Variants in MYOM2 observed in about 807,000 individuals in gnomAD.
MYOM2 encodes the protein myomesin-2.
In MYOM2, 254 loss-of-function variants were observed where a neutral mutation model predicts 187.6. The ratio of observed to expected loss-of-function variants is 1.35; its 90% confidence interval spans 1.22 to 1.50. The LOEUF (loss-of-function observed/expected upper bound fraction) is 1.50, where lower values mean the gene tolerates loss of function less well. Among genes scored for constraint, MYOM2 ranks in the 40% most tolerant of loss-of-function variants. The pLI is 0.00. For synonymous variants in MYOM2, 981 were observed against 753.8 expected, an observed-to-expected ratio of 1.30 and a Z score of -4.94; for missense variants, 2,796 against 1,924.0, an observed-to-expected ratio of 1.45 and a Z score of -8.48.
In MYOM2 at chr8:2,078,701, A is replaced by C. The variant is rs183771731; in HGVS notation, c.1263-33A>C. Reference sequence around the variant, plus strand: ...TATTTAGTAGGTTGCCACATTTGCTATTCTCTGTTGTTTTTCTTTTTTTAA... The same window carrying C: ...TATTTAGTAGGTTGCCACATTTGCTCTTCTCTGTTGTTTTTCTTTTTTTAA... On this transcript the variant is annotated intron_variant, in intron 11 of 36. Coordinates refer to ENST00000262113, the MANE Select transcript of MYOM2 (RefSeq NM_003970.4). 3.4e-4 allele frequency: 545 copies of C among 1,606,938 alleles called. 8 individuals are homozygous for C. In the East Asian group the frequency reaches 0.012, roughly 35 times the overall value.
chr8:2,091,569 C>G (rs1365187601), intron 15 of MYOM2, among the ~76,000 whole-genome samples: 1 of 152,212 alleles, frequency 6.6e-6, no homozygotes, highest in African/African-American at 2.4e-5. Flanking sequence ...TCCACCCTCT[C>G]TCTGTCGTGT....
At chr8:2,087,228 A>G (rs1455972674) in intron 14 of MYOM2, among the ~76,000 whole-genome samples, 1 of 152,236 alleles carries the variant, frequency 6.6e-6, no homozygotes, top group Non-Finnish European at 1.5e-5. Context: ...AATATGTAAT[A>G]CAATATGTAG....
In MYOM2 at chr8:2,069,298, C is replaced by A. The variant is rs376408103; in HGVS notation, c.674C>A (p.Ala225Glu). The A allele has an allele frequency of 1.2e-6, 2 of 1,612,938 alleles. No homozygotes were observed. Among genetic ancestry groups the A allele is most frequent in the Non-Finnish European group, 1.7e-6 (2 of 1,179,548 alleles). Reference protein sequence around the residue: ...EINRADFDDTATYSAVATNAH... With the variant: ...EINRADFDDTETYSAVATNAH... Reference sequence around the variant, plus strand: ...CCAAGGGCAGACTTTGACGACACTGCGACATACTCAGCAGTGGCCACCAAT... The same window carrying A: ...CCAAGGGCAGACTTTGACGACACTGAGACATACTCAGCAGTGGCCACCAAT... Residue 225 changes from alanine (A) to glutamate (E), a missense_variant, in exon 7 of 37, where the codon GCG becomes GAG. Ala to Glu is a moderately radical substitution (Grantham distance 107, BLOSUM62 -1). Transcript: ENST00000262113.
chr8:2,057,717 G>C lies in MYOM2; in HGVS notation c.497G>C (p.Trp166Ser). Residue 166 changes from tryptophan to serine, a missense_variant, in exon 5 of 37, where the codon TGG (tryptophan) becomes TCG (serine). Physicochemically the swap from Trp to Ser is radical, Grantham distance 177. Transcript: ENST00000262113. Reference protein sequence around the residue: ...ILVRLRSHTVWERMSVKLCFT... With the variant: ...ILVRLRSHTVSERMSVKLCFT... ...GTGCGGCTGCGATCCCACACCGTCT[G>C]GGAGAGGATGTCTGTGAAACTCTGC... 1 of 1,614,148 alleles carries C rather than the reference G, an allele frequency of 6.2e-7. No homozygotes were observed. The highest frequency in any genetic ancestry group is 8.5e-7 in the Non-Finnish European group (1 of 1,180,022).
At chr8:2,116,404 T>A (rs895929730) in intron 27 of MYOM2, 129 bp downstream of exon 27, 1 of 875,990 alleles carries the variant, frequency 1.1e-6, no homozygotes, top group Non-Finnish European at 1.7e-6. Flanking sequence ...ATTAAGAGGT[T>A]AGGCTTACCA....
At position 2,090,031 on chromosome 8, in the gene MYOM2, G is replaced by T; in HGVS notation, c.1668G>T (p.Trp556Cys). 4.3e-6 allele frequency: 7 copies of T among 1,613,908 alleles called. No individual in the cohort carries two copies. The highest frequency in any genetic ancestry group is 5.9e-6 in the Non-Finnish European group (7 of 1,179,932). Residue 556 changes from tryptophan to cysteine, a missense_variant, in exon 15 of 37, where the codon TGG (tryptophan) becomes TGT (cysteine). Physicochemically the swap from Trp to Cys is radical, Grantham distance 215. Coordinates refer to ENST00000262113, the MANE Select transcript of MYOM2 (RefSeq NM_003970.4). ...AGTCCGTGGTGGGGAGCGGCAGCTG[G>T]CAGAGAGTCAACGCCCAGACGGCTG... ...IEKSVVGSGS[W>C]QRVNAQTAVR...
chr8:2,102,233 T>C (rs1796733843), intron 20 of MYOM2: 1 of 155,456 alleles, frequency 6.4e-6, no homozygotes, highest in African/African-American at 2.4e-5. Flanking sequence ...TAGATGTTTA[T>C]CCAAGCAGGT....
rs1796991046 is a variant in MYOM2 at position 2,109,322 on chromosome 8, C to T, written c.3044-73C>T. On this transcript the variant is annotated intron_variant, in intron 24 of 36. Coordinates refer to ENST00000262113, the MANE Select transcript of MYOM2 (RefSeq NM_003970.4). ...ATCTAATAACTAGGATTGATATTTC[C>T]CTACAATTTGCAGGTATTCTTCCTC... The T allele has an allele frequency of 2.8e-6, 4 of 1,448,678 alleles. No homozygotes were observed. In the Admixed American group the frequency reaches 6.8e-5, roughly 25 times the overall value. 89.7% of individuals were successfully genotyped at this position (1,448,678 alleles called of 1,614,324 possible).
chr8:2,143,185 C>A (rs1468033445), intron 35 of MYOM2, among the ~76,000 whole-genome samples: 2 of 152,170 alleles, frequency 1.3e-5, no homozygotes, highest in East Asian at 3.9e-4. Flanking sequence ...CTCCCCCAAC[C>A]CCTTCACAGA....
intron 11 of MYOM2, 159 bp downstream of exon 11, chr8:2,076,441 A>G (rs1819424910): frequency 1.8e-5 from 17 of 920,750 alleles, no homozygotes; most frequent in South Asian, 1.2e-4. Flanking sequence ...TATTTAGGTA[A>G]TTGGTAAATA....
Position 2,054,472 on chromosome 8 carries a change from C to A in MYOM2, c.263+2159C>A, listed in dbSNP as rs1041222462. On this transcript the variant is annotated intron_variant, in intron 3 of 36. Transcript: ENST00000262113. ...TTTACAATCAGTGCATGACAAATGA[C>A]GTTACTGTGCACACGTGGGCTGAAG... is the stretch of plus-strand genomic sequence containing the variant. Among the ~76,000 whole-genome samples the A allele has an allele frequency of 3.3e-5, 5 of 152,284 alleles. No homozygotes were observed. In the East Asian group the frequency reaches 9.6e-4, roughly 29 times the overall value.
At chr8:2,093,949 C>A (rs748733308) in intron 16 of MYOM2, 21 bp from the exon 17 acceptor site, 4 of 1,612,890 alleles carry the variant, frequency 2.5e-6, no homozygotes, top group Non-Finnish European at 3.4e-6. Flanking sequence ...CAGTTCTGAC[C>A]CTGATCCCTG....
At chr8:2,124,361 G>C (rs1259830387) in intron 31 of MYOM2, 144 bp downstream of exon 31, 5 of 747,030 alleles carry the variant, frequency 6.7e-6, no homozygotes, top group Admixed American at 6.1e-5. Flanking sequence ...GGGCAGGGTG[G>C]TGATCTGCTG....
intron 21 of MYOM2, among the ~76,000 whole-genome samples, chr8:2,105,094 G>T (rs1250215671): frequency 6.6e-6 from 1 of 152,006 alleles, no homozygotes; most frequent in Non-Finnish European, 1.5e-5. Context: ...ACTTCTTAAA[G>T]GCTCCACCTC....
At chr8:2,135,951 G>A (rs1798053883) in intron 32 of MYOM2, among the ~76,000 whole-genome samples, 1 of 152,036 alleles carries the variant, frequency 6.6e-6, no homozygotes. Flanking sequence ...CCTGAAGCTG[G>A]GAGTGGGAAG....
At chr8:2,069,586 C>CT (rs777983793) in intron 8 of MYOM2, 89 bp downstream of exon 8, 106,057 of 1,085,786 alleles carry the variant, frequency 0.098, 1 homozygote, top group East Asian at 0.12. Context: ...AGGGCCAAAT[C>CT]TTTTTTTTTT....
chr8:2,061,168 G>C (rs1397391207), intron 6 of MYOM2, among the ~76,000 whole-genome samples: 2 of 151,596 alleles, frequency 1.3e-5, no homozygotes, highest in African/African-American at 4.8e-5. Flanking sequence ...GAAAGGAGCT[G>C]TCTCCGGTTT....
At chr8:2,076,375 A>T in intron 11 of MYOM2, 93 bp downstream of exon 11, 1 of 1,472,272 alleles carries the variant, frequency 6.8e-7, no homozygotes, top group Non-Finnish European at 9.1e-7. Context: ...ATGCAGGTTG[A>T]CGTTCCCATT....
intron 32 of MYOM2, among the ~76,000 whole-genome samples, chr8:2,136,027 T>C (rs1192700760): frequency 6.6e-6 from 1 of 152,200 alleles, no homozygotes; most frequent in Non-Finnish European, 1.5e-5. Context: ...AGCGGGAGCC[T>C]CTGCTGGAAG....
Sources: allele counts gnomAD v4.1 joint callset (sites outside exome capture counted in the v4.1 genomes callset), GRCh38; gene constraint gnomAD v4.1.1; transcripts MANE v1.5; gene names NCBI Gene and HGNC (gene_info 2026-07-23, HGNC 2026-07-21).